The following HSF1 variants were observed in gnomAD, a reference collection of about 807,000 sequenced individuals.
HSF1 encodes the protein heat shock transcription factor 1, also known as heat shock factor protein 1.
A neutral mutation model predicts 51.7 loss-of-function variants in HSF1; 32 were observed. The ratio of observed to expected loss-of-function variants is 0.62; its 90% confidence interval spans 0.47 to 0.83. The LOEUF (loss-of-function observed/expected upper bound fraction) is 0.83. Ranked by LOEUF, HSF1 falls within the 40% of genes least tolerant of loss-of-function variation. The pLI is 0.00. For missense variants in HSF1, 727 were observed against 717.0 expected, an observed-to-expected ratio of 1.01 and a Z score of -0.16; for synonymous variants, 396 against 309.7, an observed-to-expected ratio of 1.28 and a Z score of -2.92.
At chr8:144,300,944 T>C (rs1405946386) in intron 1 of HSF1, among the ~76,000 whole-genome samples, 1 of 152,102 alleles carries the variant, frequency 6.6e-6, no homozygotes, top group Non-Finnish European at 1.5e-5. Flanking sequence ...ACCGGAGCGG[T>C]TTAACAAAAC....
intron 9 of HSF1, chr8:144,312,774 G>A (rs1816773081): frequency 7.0e-7 from 1 of 1,418,842 alleles, no homozygotes; most frequent in South Asian, 1.2e-5. Flanking sequence ...CTCCCACACA[G>A]CCGTGGACCA....
Position 144,297,696 on chromosome 8 carries a change from C to T in HSF1, c.117+5822C>T, listed in dbSNP as rs914448489. Among the ~76,000 whole-genome samples the T allele has an allele frequency of 1.4e-4, 21 of 152,156 alleles. No homozygotes were observed. Among genetic ancestry groups the T allele is most frequent in the African/African-American group, 4.6e-4 (19 of 41,418 alleles). ...CCTTTGCTCCTAAAGCCTATACTCC[C>T]GGGACCCGGAGAGGGAACAGCCGGC... On this transcript the variant is annotated intron_variant, in intron 1 of 12. Coordinates refer to ENST00000528838, the MANE Select transcript of HSF1 (RefSeq NM_005526.4). This position sits in a 1 kb window ranked among gnomAD's most constrained non-coding sequence, Gnocchi z 4.6.
rs1355120987 is a variant in HSF1, at chr8:144,313,867, G to A, written c.1270G>A (p.Val424Met). 21 of 1,597,288 alleles carry A rather than the reference G, an allele frequency of 1.3e-5. No homozygotes were observed. The highest frequency in any genetic ancestry group is 1.7e-5 in the Non-Finnish European group (20 of 1,175,646). ...GCAGCTGTTCAGCCCCTCGGTGACC[G>A]TGCCCGACATGAGCCTGCCTGACCT... The part of the protein sequence containing the change: ...LLDLFSPSVT[V>M]PDMSLPDLDS... The change falls in exon 11 of 13, where the codon GTG (valine) becomes ATG (methionine). Residue 424 changes from valine to methionine, a missense_variant. Around this residue, in one of 2 missense-constraint regions of HSF1, gnomAD observed 470 missense variants for 398.8 expected, o/e 1.18. Transcript: ENST00000528838.
intron 8 of HSF1, 35 bp from the exon 9 acceptor site, chr8:144,311,928 G>C (rs112158986): frequency 6.3e-7 from 1 of 1,579,718 alleles, no homozygotes; most frequent in Non-Finnish European, 8.6e-7. Context: ...GGGGCTGGCC[G>C]AGACGCCAGC....
intron 1 of HSF1, among the ~76,000 whole-genome samples, chr8:144,303,471 C>G (rs1278614748): frequency 2.0e-5 from 3 of 152,022 alleles, no homozygotes; most frequent in African/African-American, 7.2e-5. Flanking sequence ...TCTGCACCAC[C>G]CTTCTGGGCA....
Position 144,314,043 on chromosome 8 carries a change from G to T in HSF1, c.1373G>T (p.Ser458Ile). The T allele has an allele frequency of 6.2e-7, 1 of 1,608,418 alleles. No individual in the cohort carries two copies. The highest frequency in any genetic ancestry group is 8.5e-7 in the Non-Finnish European group (1 of 1,178,758). The change falls in exon 12 of 13, where the codon AGC (serine) becomes ATC (isoleucine). Residue 458 changes from serine (S) to isoleucine (I), a missense_variant. Around this residue, in one of 2 missense-constraint regions of HSF1, gnomAD observed 470 missense variants for 398.8 expected, o/e 1.18. Coordinates refer to ENST00000528838, the MANE Select transcript of HSF1 (RefSeq NM_005526.4). ...PPRPPEAENS[S>I]PDSGKQLVHY... is the part of the protein sequence containing the mutation. Reference sequence around the variant, plus strand: ...AGGCCTCCCGAGGCAGAGAACAGCAGCCCGGATTCAGGTGAGCCAAGTCCC... The same window carrying T: ...AGGCCTCCCGAGGCAGAGAACAGCATCCCGGATTCAGGTGAGCCAAGTCCC...
chr8:144,291,731 C>T lies in HSF1; in HGVS notation c.-27C>T. 2 of 1,363,828 alleles carry T rather than the reference C, an allele frequency of 1.5e-6. No homozygotes were observed. The highest frequency in any genetic ancestry group is 2.0e-6 in the Non-Finnish European group (2 of 1,008,714). 84.5% of individuals were successfully genotyped at this position (1,363,828 alleles called of 1,614,324 possible). A position where few individuals can be genotyped will look rare whatever the true frequency, so the allele number is the denominator to read the frequency against. ...CCTCGGCCCCTCTTTGCGGCCGCTC[C>T]CTCCGCCTATTCCCTCCTTGCTCGA... is the stretch of plus-strand genomic sequence containing the variant. On this transcript the variant is annotated 5_prime_UTR_variant, in exon 1 of 13. Coordinates refer to ENST00000528838, the MANE Select transcript of HSF1 (RefSeq NM_005526.4). The surrounding 1 kb of genome is among the most constrained non-coding windows in gnomAD (Gnocchi z 4.1).
chr8:144,310,833 A>C, intron 4 of HSF1: 1 of 356,456 alleles, frequency 2.8e-6, no homozygotes, highest in Non-Finnish European at 5.3e-6. Flanking sequence ...AGGCCTTGGA[A>C]GGGCGGCCCA....
In HSF1 at chr8:144,314,109, A is replaced by ACCCC; in HGVS notation, c.1385-14_1385-11dup. On this transcript the variant is annotated splice_polypyrimidine_tract_variant and intron_variant, in intron 12 of 12. Transcript: ENST00000528838. ...GCCCCCAACCCCCCACCGCCTTGAC[A>ACCCC]CCCCCACCCCCGCAGGGAAGCAGCT... 1 of 956,298 alleles carries ACCCC rather than the reference A, an allele frequency of 1.0e-6. No individual in the cohort carries two copies. Among genetic ancestry groups the ACCCC allele is most frequent in the Admixed American group, 4.2e-5 (1 of 24,028 alleles). The allele number at this position is 956,298 out of a possible 1,614,324, so 59.2% of individuals were successfully genotyped here. A position where few individuals can be genotyped will look rare whatever the true frequency, so the allele number is the denominator to read the frequency against.
At chr8:144,311,449 G>C in intron 6 of HSF1, 56 bp from the exon 7 acceptor site, 2 of 1,612,434 alleles carry the variant, frequency 1.2e-6, no homozygotes, top group Non-Finnish European at 1.7e-6. Flanking sequence ...TCTGTCAGCT[G>C]TGCCCCGGGT....
chr8:144,302,864 A>G (rs1554842652), intron 1 of HSF1, among the ~76,000 whole-genome samples: 2 of 152,090 alleles, frequency 1.3e-5, no homozygotes, highest in Non-Finnish European at 2.9e-5. Context: ...GAACAGATAC[A>G]TCAAAAAAAA....
chr8:144,309,930 G>T (rs1816495134), intron 4 of HSF1, 34 bp downstream of exon 4: 5 of 1,526,486 alleles, frequency 3.3e-6, no homozygotes, highest in Admixed American at 1.9e-5. Context: ...GGCCACAGCG[G>T]GTCCTGGCGC....
chr8:144,296,762 G>C (rs1257224066), intron 1 of HSF1, among the ~76,000 whole-genome samples: 1 of 150,966 alleles, frequency 6.6e-6, no homozygotes, highest in Non-Finnish European at 1.5e-5. Context: ...AGCTGAGATC[G>C]CGCCATTGCA....
At chr8:144,303,974 C>T (rs1816058542) in intron 1 of HSF1, among the ~76,000 whole-genome samples, 1 of 152,118 alleles carries the variant, frequency 6.6e-6, no homozygotes, top group Non-Finnish European at 1.5e-5. Context: ...CCTGCTGTGG[C>T]GGGGGTAGTC....
In HSF1 at chr8:144,312,185, T is replaced by TACCCCACCCCCCCCCCC; in HGVS notation, c.1083_1084insACCCCACCCCCCCCCCC (p.Pro362ThrfsTer21). On this transcript the variant is annotated frameshift_variant, in exon 9 of 13. Coordinates refer to ENST00000528838, the MANE Select transcript of HSF1 (RefSeq NM_005526.4). LOFTEE classifies it high-confidence loss of function. ...GCCACACGGACACCGAGGGCCGGCC[T>TACCCCACCCCCCCCCCC]CCCTCCCCCCCGCCCACCTCCACCC... The TACCCCACCCCCCCCCCC allele has an allele frequency of 6.5e-7, 1 of 1,532,956 alleles. No individual in the cohort carries two copies. The highest frequency in any genetic ancestry group is 8.9e-7 in the Non-Finnish European group (1 of 1,117,516). The allele number at this position is 1,532,956 out of a possible 1,614,324, so 95.0% of individuals were successfully genotyped here. A position where few individuals can be genotyped will look rare whatever the true frequency, so the allele number is the denominator to read the frequency against.
intron 4 of HSF1, 120 bp downstream of exon 4, chr8:144,310,016 AC>A: frequency 8.3e-7 from 1 of 1,203,406 alleles, no homozygotes; most frequent in Non-Finnish European, 1.1e-6. Flanking sequence ...CTCCCGCTCC[AC>A]GCACATCTAC....
intron 1 of HSF1, among the ~76,000 whole-genome samples, chr8:144,307,842 T>C (rs968003083): frequency 7.2e-5 from 11 of 152,358 alleles, no homozygotes; most frequent in Non-Finnish European, 1.0e-4. Context: ...CAGCTGTTTT[T>C]CTTGAATAAA....
In HSF1 at chr8:144,314,580, C is replaced by T. The variant is rs577474315; in HGVS notation, c.*250C>T. 2 of 555,502 alleles carry T rather than the reference C, an allele frequency of 3.6e-6. No homozygotes were observed. The highest frequency in any genetic ancestry group is 5.7e-5 in the East Asian group (2 of 34,964). The allele number at this position is 555,502 out of a possible 1,614,324, so 34.4% of individuals were successfully genotyped here. A position where few individuals can be genotyped will look rare whatever the true frequency, so the allele number is the denominator to read the frequency against. Reference sequence around the variant, plus strand: ...CACAGCCACACCTGGACTGACCCTGCAGGTTGTTCATAGTCAGAATTGTAT... The same window carrying T: ...CACAGCCACACCTGGACTGACCCTGTAGGTTGTTCATAGTCAGAATTGTAT... On this transcript the variant is annotated 3_prime_UTR_variant, in exon 13 of 13. Transcript: ENST00000528838.
At position 144,301,898 on chromosome 8, in the gene HSF1, A is replaced by C. The variant is rs1554842393; in HGVS notation, c.118-7008A>C. The stretch of plus-strand genomic sequence containing the variant: ...TAAAAAGCATCCAGAAGAGCCGTGC[A>C]CGGTGGTGGTGCCTGTGGTGCCAGC... On this transcript the variant is annotated intron_variant, in intron 1 of 12. Transcript: ENST00000528838. 6.1e-4 allele frequency among the ~76,000 whole-genome samples: 91 copies of C among 150,106 alleles called. 6 individuals carry two copies. The South Asian group carries it at 0.013, about 22-fold the overall frequency.
Sources: allele counts gnomAD v4.1 joint callset (sites outside exome capture counted in the v4.1 genomes callset), GRCh38; gene constraint gnomAD v4.1.1; regional missense constraint gnomAD v4.1.1; non-coding constraint Gnocchi (gnomAD v3.1); transcripts MANE v1.5; gene names NCBI Gene and HGNC (gene_info 2026-07-23, HGNC 2026-07-21).